ALG14: variants seen among roughly 807,000 people sequenced by gnomAD.
The protein encoded by ALG14 is UDP-N-acetylglucosamine transferase subunit ALG14.
In ALG14, 17 loss-of-function variants were observed where a neutral mutation model predicts 22.8. The ratio of observed to expected loss-of-function variants is 0.75; its 90% CI spans 0.51 to 1.12. ALG14 has a LOEUF of 1.12. Among genes scored for constraint, ALG14 ranks in the 50% most tolerant of loss-of-function variants. The probability of loss-of-function intolerance (pLI) is 0.00; values close to 1 mark genes in which losing one functional copy is unlikely to be tolerated. For missense variants in ALG14, 288 were observed against 271.8 expected, an observed-to-expected ratio of 1.06 and a Z score of -0.42; for synonymous variants, 89 against 103.7, an observed-to-expected ratio of 0.86 and a Z score of 0.86.
intron 3 of ALG14, among the ~76,000 whole-genome samples, chr1:94,991,726 T>A (rs1672778537): frequency 6.6e-6 from 1 of 151,896 alleles, no homozygotes; most frequent in South Asian, 2.1e-4. Context: ...CAATAATAAA[T>A]TAACTTTAGC....
At chr1:94,984,885 G>A (rs897480364) in intron 3 of ALG14, among the ~76,000 whole-genome samples, 1 of 152,196 alleles carries the variant, frequency 6.6e-6, no homozygotes, top group African/African-American at 2.4e-5. Flanking sequence ...CATTTTACGT[G>A]TATTACATTT....
intron 2 of ALG14, among the ~76,000 whole-genome samples, chr1:95,051,173 C>T (rs1387807292): frequency 2.0e-5 from 3 of 152,106 alleles, no homozygotes; most frequent in Non-Finnish European, 4.4e-5. Flanking sequence ...CATCTTCTCT[C>T]GTATGTTTAC....
chr1:95,057,484 G>A (rs936911289), intron 2 of ALG14, among the ~76,000 whole-genome samples: 1 of 151,646 alleles, frequency 6.6e-6, no homozygotes, highest in Non-Finnish European at 1.5e-5. Flanking sequence ...TATATGGGAG[G>A]ATGAGCAATG....
intron 3 of ALG14, among the ~76,000 whole-genome samples, chr1:94,989,395 T>A (rs1014229997): frequency 2.0e-5 from 3 of 152,206 alleles, no homozygotes; most frequent in African/African-American, 7.2e-5. Context: ...TTAAGCAATT[T>A]CCCAGAGTAT....
At chr1:95,008,599 G>A (rs1444042918) in intron 3 of ALG14, among the ~76,000 whole-genome samples, 2 of 151,944 alleles carry the variant, frequency 1.3e-5, no homozygotes, top group Non-Finnish European at 2.9e-5. Flanking sequence ...CCTATATATT[G>A]GATTTAAATG....
chr1:95,066,865 A>G (rs1675388756), intron 1 of ALG14, among the ~76,000 whole-genome samples: 1 of 152,172 alleles, frequency 6.6e-6, no homozygotes, highest in African/African-American at 2.4e-5. Flanking sequence ...TGTCTCAAAA[A>G]AGAAAAAAAA....
chr1:95,027,058 A>G (rs1673840607), intron 3 of ALG14, 71 bp downstream of exon 3: 1 of 1,558,394 alleles, frequency 6.4e-7, no homozygotes, highest in Non-Finnish European at 8.8e-7. Context: ...TTAAGAAAAC[A>G]GTATGTCCTG....
At chr1:95,022,092 T>C (rs1017959146) in intron 3 of ALG14, among the ~76,000 whole-genome samples, 2 of 151,970 alleles carry the variant, frequency 1.3e-5, no homozygotes, top group Admixed American at 6.6e-5. Flanking sequence ...ACAGGAAAAA[T>C]GTAATGTTTG....
intron 2 of ALG14, among the ~76,000 whole-genome samples, chr1:95,039,621 T>C (rs1674318860): frequency 6.6e-6 from 1 of 152,164 alleles, no homozygotes. Flanking sequence ...GTTGGTAAAA[T>C]ACTCTTTAAG....
chr1:95,046,323 C>T (rs930199206), intron 2 of ALG14, among the ~76,000 whole-genome samples: 2 of 152,196 alleles, frequency 1.3e-5, no homozygotes, highest in African/African-American at 4.8e-5. Flanking sequence ...AGCATTACCA[C>T]CTGAGCTCTG....
chr1:95,014,319 A>G (rs1286719612), intron 3 of ALG14, among the ~76,000 whole-genome samples: 1 of 152,184 alleles, frequency 6.6e-6, no homozygotes, highest in Non-Finnish European at 1.5e-5. Flanking sequence ...AATCTTTACT[A>G]TGTAGTTTGT....
intron 2 of ALG14, among the ~76,000 whole-genome samples, chr1:95,064,121 C>T (rs1484716855): frequency 1.3e-5 from 2 of 152,124 alleles, no homozygotes; most frequent in Non-Finnish European, 1.5e-5. Context: ...TGATTCTGCA[C>T]ATTGATTTTG....
At chr1:95,051,587 C>A (rs74103608) in intron 2 of ALG14, among the ~76,000 whole-genome samples, 7,022 of 152,268 alleles carry the variant, frequency 0.046, 218 homozygotes, top group South Asian at 0.088. Context: ...TCCAAGCCAA[C>A]AAATGAACAA....
intron 1 of ALG14, among the ~76,000 whole-genome samples, chr1:95,069,239 G>A (rs1050080625): frequency 2.6e-5 from 4 of 152,214 alleles, no homozygotes; most frequent in African/African-American, 9.7e-5. Flanking sequence ...AGCTACTCGG[G>A]AGGCTGTCTC....
At chr1:95,052,313 A>G (rs1281964623) in intron 2 of ALG14, among the ~76,000 whole-genome samples, 4 of 152,194 alleles carry the variant, frequency 2.6e-5, no homozygotes, top group African/African-American at 7.2e-5. Flanking sequence ...CTAAATAAGC[A>G]CAACTGTATA....
At chr1:95,016,158 TTTTC>T (rs1673489514) in intron 3 of ALG14, among the ~76,000 whole-genome samples, 1 of 152,190 alleles carries the variant, frequency 6.6e-6, no homozygotes, top group Non-Finnish European at 1.5e-5. Context: ...CCCAAGCCCA[TTTTC>T]TCTATCCATG....
chr1:94,983,861 C>T (rs1052569455), intron 3 of ALG14, among the ~76,000 whole-genome samples: 2 of 151,902 alleles, frequency 1.3e-5, no homozygotes, highest in Non-Finnish European at 2.9e-5. Context: ...CCTGCCTCAG[C>T]CTCCTGAGTA....
intron 3 of ALG14, among the ~76,000 whole-genome samples, chr1:95,012,495 T>C (rs1258325364): frequency 6.6e-6 from 1 of 152,180 alleles, no homozygotes; most frequent in Non-Finnish European, 1.5e-5. Context: ...TCCAATAAGA[T>C]TTTGCTGCTC....
rs373927074 is a variant in ALG14 at position 95,021,000 on chromosome 1, G to A, written c.420+6129C>T. 1.4e-4 allele frequency among the ~76,000 whole-genome samples: 21 copies of A among 152,204 alleles called. 1 individual carries two copies. In the South Asian group the frequency reaches 4.1e-3, roughly 30 times the overall value. On this transcript the variant is annotated intron_variant, in intron 3 of 3. Transcript: ENST00000370205. ...TGGTTAAGGTGAATGAGAAACTTTC[G>A]CCATTTTCTTATGGTGCTTTGATAA...
Sources: gnomAD v4.1 joint callset for allele counts (sites outside exome capture counted in the v4.1 genomes callset) on GRCh38, gnomAD v4.1.1 for gene constraint, MANE v1.5 for transcripts, NCBI Gene and HGNC (gene_info 2026-07-23, HGNC 2026-07-21) for gene names.